The following RDH10 variants were observed in gnomAD, a reference collection of about 807,000 sequenced individuals.
The protein encoded by RDH10 is retinol dehydrogenase 10.
Under a neutral mutation model 30.2 loss-of-function variants are expected in RDH10, and 12 were observed. That is an observed-to-expected ratio of 0.40 (90% CI 0.25 to 0.64). RDH10 has a LOEUF of 0.64. Among genes scored for constraint, RDH10 ranks in the 30% least tolerant of loss-of-function variants. The pLI, the probability that RDH10 is intolerant of heterozygous loss-of-function variation, is 0.43. For synonymous variants in RDH10, 189 were observed against 172.2 expected (o/e 1.10, Z -0.76); for missense variants, 268 against 445.2 (o/e 0.60, Z 3.58).
intron 2 of RDH10, among the ~76,000 whole-genome samples, chr8:73,303,088 G>A (rs1189370893): frequency 6.6e-6 from 1 of 151,508 alleles, no homozygotes; most frequent in African/African-American, 2.4e-5. Flanking sequence ...TAACTTAAAA[G>A]GTTTCACAGT....
At chr8:73,315,137 A>C (rs1185548195) in intron 2 of RDH10, among the ~76,000 whole-genome samples, 42 of 78,430 alleles carry the variant, frequency 5.4e-4, no homozygotes, top group African/African-American at 6.1e-4. Flanking sequence ...TCCTCTCCCC[A>C]CCGGCCTCCT....
At chr8:73,306,222 C>G (rs1168513376) in intron 2 of RDH10, among the ~76,000 whole-genome samples, 5 of 152,254 alleles carry the variant, frequency 3.3e-5, no homozygotes, top group African/African-American at 9.6e-5. Context: ...CCTGGCTGGC[C>G]AGTTCCAGTC....
At chr8:73,308,182 G>T (rs191334875) in intron 2 of RDH10, among the ~76,000 whole-genome samples, 1 of 152,128 alleles carries the variant, frequency 6.6e-6, no homozygotes, top group Non-Finnish European at 1.5e-5. Context: ...TGAATAATTG[G>T]TACCAAAATA....
intron 2 of RDH10, chr8:73,297,832 C>A: frequency 4.4e-6 from 1 of 225,586 alleles, no homozygotes. Flanking sequence ...TTGGAAAGTG[C>A]CAAAGATTCT....
chr8:73,320,440 G>A (rs532191549), intron 3 of RDH10, among the ~76,000 whole-genome samples: 55 of 140,788 alleles, frequency 3.9e-4, no homozygotes, highest in Non-Finnish European at 7.6e-4. Flanking sequence ...TCTGGTTTGT[G>A]TTTTTTTTTT....
chr8:73,296,981 T>A (rs1814278607), intron 1 of RDH10: 2 of 532,016 alleles, frequency 3.8e-6, no homozygotes, highest in African/African-American at 3.8e-5. Context: ...TAAGCAAAGT[T>A]ATCCAGTAAA....
rs1814229621 is a variant in RDH10 at position 73,295,009 on chromosome 8, G to GGGACGGGCGGGCGGCTGCC, written c.-278_-260dup. Reference sequence around the variant, plus strand: ...GCGGAGCCGGCCGGCCGGGCGCTGCGGGACGGGCGGGCGGCTGCCGGCAGG... The same window carrying GGGACGGGCGGGCGGCTGCC: ...GCGGAGCCGGCCGGCCGGGCGCTGCGGGACGGGCGGGCGGCTGCCGGACGGGCGGGCGGCTGCCGGCAGG... On this transcript the variant is annotated 5_prime_UTR_variant, in exon 1 of 6. Transcript: ENST00000240285. 2 of 373,680 alleles carry GGGACGGGCGGGCGGCTGCC rather than the reference G, an allele frequency of 5.4e-6. No individual in the cohort carries two copies. The highest frequency in any genetic ancestry group is 4.6e-5 in the Admixed American group (1 of 21,744). The allele number at this position is 373,680 out of a possible 1,614,324, so 23.1% of individuals were successfully genotyped here. A position where few individuals can be genotyped will look rare whatever the true frequency, so the allele number is the denominator to read the frequency against.
chr8:73,310,563 C>G (rs1814547035), intron 2 of RDH10, among the ~76,000 whole-genome samples: 1 of 152,210 alleles, frequency 6.6e-6, no homozygotes, highest in South Asian at 2.1e-4. Context: ...GTCACTAGAG[C>G]AGAACCGAAG....
intron 1 of RDH10, among the ~76,000 whole-genome samples, chr8:73,296,595 G>A (rs560876060): frequency 1.3e-5 from 2 of 152,282 alleles, no homozygotes; most frequent in African/African-American, 4.8e-5. Context: ...CGGTAAAATT[G>A]CATATTTACC....
chr8:73,298,439 A>G (rs1814317481), intron 2 of RDH10, among the ~76,000 whole-genome samples: 1 of 152,184 alleles, frequency 6.6e-6, no homozygotes, highest in African/African-American at 2.4e-5. Context: ...ACTTATTCAA[A>G]TGTTGCACCT....
At chr8:73,319,674 G>A (rs1003388462) in intron 3 of RDH10, among the ~76,000 whole-genome samples, 2 of 152,224 alleles carry the variant, frequency 1.3e-5, no homozygotes, top group African/African-American at 4.8e-5. Context: ...GACGATGGCA[G>A]GAGGCACAGG....
intron 2 of RDH10, among the ~76,000 whole-genome samples, chr8:73,309,610 CTTTT>C (rs5892406): frequency 1.7e-5 from 2 of 120,556 alleles, no homozygotes; most frequent in Non-Finnish European, 1.8e-5. Context: ...AAGTTGTTGC[CTTTT>C]TTTTTTTTTT....
At chr8:73,314,966 C>G (rs1342571847) in intron 2 of RDH10, among the ~76,000 whole-genome samples, 1 of 152,180 alleles carries the variant, frequency 6.6e-6, no homozygotes, top group Non-Finnish European at 1.5e-5. Flanking sequence ...CAAATAATCT[C>G]CCTCTCAAAA....
At chr8:73,297,797 T>A (rs894547324) in intron 2 of RDH10, 13 of 225,360 alleles carry the variant, frequency 5.8e-5, no homozygotes, top group Non-Finnish European at 1.2e-4. Context: ...GGATTTAGGC[T>A]TCCAAATTAC....
At chr8:73,301,886 TC>T (rs149867350) in intron 2 of RDH10, among the ~76,000 whole-genome samples, 69 of 152,350 alleles carry the variant, frequency 4.5e-4, no homozygotes, top group African/African-American at 1.5e-3. Context: ...ATTCTCCCTG[TC>T]CCACATGTGT....
chr8:73,309,902 A>G (rs2130368316), intron 2 of RDH10, among the ~76,000 whole-genome samples: 1 of 152,200 alleles, frequency 6.6e-6, no homozygotes, highest in Middle Eastern at 3.4e-3. Context: ...GCATAGGGCA[A>G]TCCTATGGCT....
chr8:73,319,014 A>G, intron 2 of RDH10, 82 bp from the exon 3 acceptor site: 1 of 810,440 alleles, frequency 1.2e-6, no homozygotes, highest in Non-Finnish European at 2.0e-6. Context: ...ATGTGAATAA[A>G]AGTTTGTTTT....
intron 2 of RDH10, among the ~76,000 whole-genome samples, chr8:73,305,188 T>C (rs1212919181): frequency 1.3e-5 from 2 of 152,216 alleles, no homozygotes; most frequent in African/African-American, 4.8e-5. Context: ...AACCCTGTAG[T>C]TTAATACTTA....
At chr8:73,320,808 T>C (rs1814757805) in intron 3 of RDH10, 124 bp from the exon 4 acceptor site, 1 of 875,392 alleles carries the variant, frequency 1.1e-6, no homozygotes, top group African/African-American at 1.7e-5. Context: ...CTTTTCTTTG[T>C]GTAGTCACCT....
Sources: gnomAD v4.1 joint callset for allele counts (sites outside exome capture counted in the v4.1 genomes callset) on GRCh38, gnomAD v4.1.1 for gene constraint, MANE v1.5 for transcripts, NCBI Gene and HGNC (gene_info 2026-07-23, HGNC 2026-07-21) for gene names.